MEI4: variants seen among roughly 807,000 people sequenced by gnomAD.
MEI4 encodes the protein meiosis-specific protein MEI4.
In MEI4, 27 loss-of-function variants were observed where a neutral mutation model predicts 31.4. The ratio of observed to expected loss-of-function variants is 0.86; its 90% CI spans 0.63 to 1.19. The LOEUF is 1.19. Among genes scored for constraint, MEI4 ranks in the 50% most tolerant of loss-of-function variants. The pLI is 0.00. For synonymous variants in MEI4, 122 were observed against 145.4 expected, an observed-to-expected ratio of 0.84 and a Z score of 1.16; for missense variants, 329 against 398.9, an observed-to-expected ratio of 0.82 and a Z score of 1.49.
At chr6:77,732,756 C>T (rs1561963052) in intron 2 of MEI4, among the ~76,000 whole-genome samples, 1 of 152,032 alleles carries the variant, frequency 6.6e-6, no homozygotes, top group Non-Finnish European at 1.5e-5. Context: ...ATGATATTGG[C>T]TGTGGGTTTG....
intron 2 of MEI4, among the ~76,000 whole-genome samples, chr6:77,736,045 A>G (rs1241320984): frequency 1.8e-5 from 2 of 113,168 alleles, no homozygotes; most frequent in Admixed American, 8.6e-5. Flanking sequence ...AAACTGTCAG[A>G]CAGGGACTTT....
At chr6:77,891,596 A>G (rs1050508828) in intron 4 of MEI4, among the ~76,000 whole-genome samples, 1 of 151,034 alleles carries the variant, frequency 6.6e-6, no homozygotes, top group East Asian at 1.9e-4. Flanking sequence ...ATTATTTTGA[A>G]TTTTTTTTCA....
Position 77,761,190 on chromosome 6 carries a change from C to T in MEI4, c.293C>T (p.Ser98Leu), listed in dbSNP as rs148492050. The T allele has an allele frequency of 2.7e-4, 336 of 1,232,140 alleles. 2 individuals are homozygous for T. In the East Asian group the frequency reaches 0.01, roughly 37 times the overall value. 76.3% of individuals were successfully genotyped at this position (1,232,140 alleles called of 1,614,324 possible). A position where few individuals can be genotyped will look rare whatever the true frequency, so the allele number is the denominator to read the frequency against. ...EPKSSESTLTSMEDSGCDLSN... is the reference protein window; with the variant it reads ...EPKSSESTLTLMEDSGCDLSN... ...AAGAGTTCTGAAAGTACATTAACTTCGATGGAAGATTCTGGATGTGATTTG... is the reference window on the plus strand; with the variant it reads ...AAGAGTTCTGAAAGTACATTAACTTTGATGGAAGATTCTGGATGTGATTTG... Residue 98 changes from serine (S) to leucine (L), a missense_variant, in exon 3 of 5, where the codon TCG becomes TTG. Coordinates refer to ENST00000684080, the MANE Select transcript of MEI4 (RefSeq NM_001322247.2).
chr6:77,868,499 C>CTACATATATATATATATATA (rs1771108817), intron 4 of MEI4, among the ~76,000 whole-genome samples: 37 of 61,682 alleles, frequency 6.0e-4, no homozygotes, highest in Non-Finnish European at 8.8e-4. Context: ...GTAAAAAATA[C>CTACATATATATATATATATA]TACATATATA....
chr6:77,748,258 G>T (rs895523555), intron 2 of MEI4, among the ~76,000 whole-genome samples: 2 of 152,198 alleles, frequency 1.3e-5, no homozygotes, highest in African/African-American at 4.8e-5. Flanking sequence ...CTCTCCATGA[G>T]GCCTCTCCCC....
chr6:77,715,170 G>A (rs1247544311), intron 2 of MEI4, among the ~76,000 whole-genome samples: 1 of 152,160 alleles, frequency 6.6e-6, no homozygotes, highest in African/African-American at 2.4e-5. Flanking sequence ...GAAAAAAAAT[G>A]TGTGTTAATT....
chr6:77,805,568 T>C (rs1769408856), intron 3 of MEI4, among the ~76,000 whole-genome samples: 1 of 152,134 alleles, frequency 6.6e-6, no homozygotes, highest in Non-Finnish European at 1.5e-5. Flanking sequence ...TTTACATTTT[T>C]ATAAGTTGTA....
chr6:77,876,228 T>G (rs555320456), intron 4 of MEI4, among the ~76,000 whole-genome samples: 1 of 152,234 alleles, frequency 6.6e-6, no homozygotes, highest in Admixed American at 6.5e-5. Context: ...AATGTTCATG[T>G]GTTAAAAACT....
chr6:77,730,151 G>A (rs1397147827), intron 2 of MEI4, among the ~76,000 whole-genome samples: 2 of 152,116 alleles, frequency 1.3e-5, no homozygotes, highest in African/African-American at 4.8e-5. Flanking sequence ...GCTAGACGGT[G>A]GAGAGAGCTG....
chr6:77,874,539 A>T lies in MEI4; in HGVS notation c.900+45477A>T, dbSNP rs896693984. Among the ~76,000 whole-genome samples the T allele has an allele frequency of 1.2e-4, 19 of 152,180 alleles. No homozygotes were observed. The East Asian group carries it at 2.3e-3, about 19-fold the overall frequency. ...ATGGGGTTTTCTAGATATACAATCA[A>T]GTCATCTGCAAACAGGGACAATTTG... On this transcript the variant is annotated intron_variant, in intron 4 of 4. Transcript: ENST00000684080.
At chr6:77,662,299 A>G (rs1455506792) in intron 1 of MEI4, among the ~76,000 whole-genome samples, 2 of 152,172 alleles carry the variant, frequency 1.3e-5, no homozygotes, top group Non-Finnish European at 1.5e-5. Context: ...TGGAACTGCC[A>G]TCAATAAACC....
chr6:77,734,544 A>T (rs1364745564), intron 2 of MEI4, among the ~76,000 whole-genome samples: 3 of 151,892 alleles, frequency 2.0e-5, no homozygotes, highest in Non-Finnish European at 4.4e-5. Context: ...TGCACGTGAG[A>T]TGGGTTTCCT....
intron 2 of MEI4, among the ~76,000 whole-genome samples, chr6:77,735,900 G>T (rs995112956): frequency 6.6e-6 from 1 of 151,708 alleles, no homozygotes; most frequent in Admixed American, 6.6e-5. Flanking sequence ...GCCGTGTGAG[G>T]TGTCAGTCTG....
intron 3 of MEI4, among the ~76,000 whole-genome samples, chr6:77,801,649 G>A (rs9448223): frequency 0.011 from 1,598 of 151,920 alleles, 28 homozygotes; most frequent in African/African-American, 0.037. Context: ...CCCTCTACAC[G>A]CTGCTTTGAA....
At chr6:77,747,004 T>A (rs1258144441) in intron 2 of MEI4, among the ~76,000 whole-genome samples, 1 of 152,178 alleles carries the variant, frequency 6.6e-6, no homozygotes, top group East Asian at 1.9e-4. Flanking sequence ...TATTTCATTT[T>A]CACACTGCTA....
chr6:77,699,540 C>G (rs916581501), intron 2 of MEI4, among the ~76,000 whole-genome samples: 2 of 152,180 alleles, frequency 1.3e-5, no homozygotes, highest in African/African-American at 2.4e-5. Context: ...TCCTCTAGCT[C>G]GGAGTGGTTT....
At chr6:77,744,156 C>T (rs1305441956) in intron 2 of MEI4, among the ~76,000 whole-genome samples, 49 of 152,008 alleles carry the variant, frequency 3.2e-4, no homozygotes, top group Admixed American at 8.5e-4. Flanking sequence ...AGGCTTCAGA[C>T]GATCAAACTA....
chr6:77,862,451 C>T (rs1024287754), intron 4 of MEI4, among the ~76,000 whole-genome samples: 3 of 152,342 alleles, frequency 2.0e-5, no homozygotes, highest in African/African-American at 7.2e-5. Context: ...TCAGAGGGTC[C>T]TATGCCCATG....
At chr6:77,742,847 A>T (rs1160709868) in intron 2 of MEI4, among the ~76,000 whole-genome samples, 1 of 152,178 alleles carries the variant, frequency 6.6e-6, no homozygotes, top group African/African-American at 2.4e-5. Context: ...ATGGCTAGCC[A>T]GTTTTCCCAG....
Sources: allele counts gnomAD v4.1 joint callset (sites outside exome capture counted in the v4.1 genomes callset), GRCh38; gene constraint gnomAD v4.1.1; transcripts MANE v1.5; gene names NCBI Gene and HGNC (gene_info 2026-07-23, HGNC 2026-07-21).